TMEM178B: variants seen among roughly 807,000 people sequenced by gnomAD.
TMEM178B encodes the protein transmembrane protein 178B.
In TMEM178B, 5 loss-of-function variants were observed where a neutral mutation model predicts 31.0. The ratio of observed to expected loss-of-function variants is 0.16; its 90% CI spans 0.08 to 0.34. The LOEUF (loss-of-function observed/expected upper bound fraction) is 0.34. Ranked by LOEUF, TMEM178B falls within the 10% of genes least tolerant of loss-of-function variation. TMEM178B has a pLI of 1.00. For synonymous variants in TMEM178B, 164 were observed against 164.0 expected (o/e 1.00, Z 0.00); for missense variants, 275 against 400.3 (o/e 0.69, Z 2.67).
At chr7:141,160,774 T>A (rs6976212) in intron 1 of TMEM178B, among the ~76,000 whole-genome samples, 1 of 152,128 alleles carries the variant, frequency 6.6e-6, no homozygotes, top group Non-Finnish European at 1.5e-5. Context: ...TGGGAACTGG[T>A]CGGATGTGGG....
chr7:141,296,361 C>A (rs1798634499), intron 2 of TMEM178B, among the ~76,000 whole-genome samples: 1 of 152,176 alleles, frequency 6.6e-6, no homozygotes, highest in African/African-American at 2.4e-5. Context: ...AGCCACTGCA[C>A]CCGGCCAGGA....
At chr7:141,349,227 TTGTAC>T (rs1404402088) in intron 2 of TMEM178B, among the ~76,000 whole-genome samples, 1 of 152,216 alleles carries the variant, frequency 6.6e-6, no homozygotes, top group African/African-American at 2.4e-5. Context: ...TAGTATTTAT[TTGTAC>T]TGATATTTCC....
At chr7:141,141,993 T>C (rs1795776764) in intron 1 of TMEM178B, among the ~76,000 whole-genome samples, 2 of 152,224 alleles carry the variant, frequency 1.3e-5, no homozygotes, top group Non-Finnish European at 2.9e-5. Context: ...GCATATTGTG[T>C]GATTCTAAGG....
At chr7:141,480,651 T>C (rs183601356), downstream of TMEM178B, among the ~76,000 whole-genome samples, 499 of 152,382 alleles carry the variant, frequency 3.3e-3, 13 homozygotes, top group Admixed American at 0.029. Flanking sequence ...TTGTTCTTTT[T>C]TTCCTATTAC....
intron 1 of TMEM178B, among the ~76,000 whole-genome samples, chr7:141,095,710 A>G (rs186457587): frequency 6.6e-6 from 1 of 152,346 alleles, no homozygotes; most frequent in African/African-American, 2.4e-5. Context: ...TATGTGTGGC[A>G]TGCAGAAGAC....
At chr7:141,255,719 C>T (rs761907972) in intron 2 of TMEM178B, among the ~76,000 whole-genome samples, 4 of 151,878 alleles carry the variant, frequency 2.6e-5, no homozygotes, top group South Asian at 2.1e-4. Flanking sequence ...ATATTGTCCC[C>T]GACCCCTGCC....
chr7:141,102,591 A>G (rs981782400), intron 1 of TMEM178B, among the ~76,000 whole-genome samples: 2 of 152,202 alleles, frequency 1.3e-5, no homozygotes, highest in Non-Finnish European at 2.9e-5. Context: ...GTTTCTAAGC[A>G]TATGCAGGTT....
rs564252943 is a variant in TMEM178B, at chr7:141,275,627, T to C, written c.496+62923T>C. Among the ~76,000 whole-genome samples, 9 of 152,350 alleles carry C rather than the reference T, an allele frequency of 5.9e-5. No individual in the cohort carries two copies. In the South Asian group the frequency reaches 1.9e-3, roughly 32 times the overall value. On this transcript the variant is annotated intron_variant, in intron 2 of 3. Transcript: ENST00000565468. Reference sequence around the variant, plus strand: ...GTATCTGAAAGCAGGATAAAGAAGTTGCAAACCTCTCTGCTTACCTTGCTC... The same window carrying C: ...GTATCTGAAAGCAGGATAAAGAAGTCGCAAACCTCTCTGCTTACCTTGCTC...
intron 2 of TMEM178B, among the ~76,000 whole-genome samples, chr7:141,291,444 C>T (rs893562931): frequency 6.6e-6 from 1 of 152,032 alleles, no homozygotes; most frequent in Non-Finnish European, 1.5e-5. Flanking sequence ...GGCAGTAGCG[C>T]GAGGAGTGAG....
chr7:141,135,442 G>A lies in TMEM178B; in HGVS notation c.382+60750G>A, dbSNP rs990496801. ...TGCTGAATACACATTCTTCTCATCA[G>A]TACATAGAACGTTCTCCAGAATAGG... On this transcript the variant is annotated intron_variant, in intron 1 of 3. Coordinates refer to ENST00000565468, the MANE Select transcript of TMEM178B (RefSeq NM_001195278.2). Among the ~76,000 whole-genome samples, 4 of 152,276 alleles carry A rather than the reference G, an allele frequency of 2.6e-5. No homozygotes were observed. In the East Asian group the frequency reaches 7.7e-4, roughly 29 times the overall value.
chr7:141,137,409 C>T (rs932987509), intron 1 of TMEM178B, among the ~76,000 whole-genome samples: 2 of 152,128 alleles, frequency 1.3e-5, no homozygotes, highest in Non-Finnish European at 2.9e-5. Flanking sequence ...TTGTCATTTT[C>T]AGCAATGTGG....
chr7:141,131,275 G>A (rs1177701377), intron 1 of TMEM178B, among the ~76,000 whole-genome samples: 1 of 152,080 alleles, frequency 6.6e-6, no homozygotes, highest in Non-Finnish European at 1.5e-5. Context: ...TTGTTTGCTG[G>A]TATTTTTGTG....
intron 1 of TMEM178B, among the ~76,000 whole-genome samples, chr7:141,149,155 C>A (rs934362881): frequency 2.0e-5 from 3 of 152,122 alleles, no homozygotes; most frequent in Non-Finnish European, 4.4e-5. Flanking sequence ...GAGAAGACTG[C>A]AGTAAGAGAT....
chr7:141,301,079 A>AG (rs984216688), intron 2 of TMEM178B, among the ~76,000 whole-genome samples: 82 of 152,324 alleles, frequency 5.4e-4, no homozygotes, highest in African/African-American at 1.9e-3. Context: ...GCTTTGTTCC[A>AG]GATCCTTCTG....
chr7:141,197,737 A>G (rs1057411340), intron 1 of TMEM178B, among the ~76,000 whole-genome samples: 2 of 152,034 alleles, frequency 1.3e-5, no homozygotes, highest in African/African-American at 4.8e-5. Context: ...GGTTCAAGTG[A>G]TTCTCCTGCC....
At chr7:141,393,678 A>C (rs1050283100) in intron 2 of TMEM178B, among the ~76,000 whole-genome samples, 1 of 152,206 alleles carries the variant, frequency 6.6e-6, no homozygotes, top group Non-Finnish European at 1.5e-5. Flanking sequence ...TCTTGCAAAG[A>C]TGTTCTCATA....
rs115868861 is a variant in TMEM178B at position 141,115,240 on chromosome 7, G to C, written c.382+40548G>C. On this transcript the variant is annotated intron_variant, in intron 1 of 3. Coordinates refer to ENST00000565468, the MANE Select transcript of TMEM178B (RefSeq NM_001195278.2). ...TTTTTGTATTTTTAGTAGAGGCAGG[G>C]TTTCAGGCCAGGCTGGTTTTGAACT... is the stretch of plus-strand genomic sequence containing the variant. 1.1e-3 allele frequency among the ~76,000 whole-genome samples: 173 copies of C among 151,950 alleles called. 1 individual carries two copies. The highest frequency in any genetic ancestry group is 4.1e-3 in the African/African-American group (168 of 41,364).
rs1192226183 is a variant in TMEM178B, at chr7:141,477,717, G to C, written c.*6931G>C. 1 of 152,194 alleles carries C rather than the reference G, an allele frequency of 6.6e-6. No homozygotes were observed. The highest frequency in any genetic ancestry group is 2.4e-5 in the African/African-American group (1 of 41,436). 9.4% of individuals were successfully genotyped at this position (152,194 alleles called of 1,614,324 possible). A position where few individuals can be genotyped will look rare whatever the true frequency, so the allele number is the denominator to read the frequency against. ...GGCTCTGGGGGTGCGCAGTCCCCTTGTGTATTTTGCTGCTATTTCTAGAGA... is the reference window on the plus strand; with the variant it reads ...GGCTCTGGGGGTGCGCAGTCCCCTTCTGTATTTTGCTGCTATTTCTAGAGA... On this transcript the variant is annotated 3_prime_UTR_variant, in exon 4 of 4. Transcript: ENST00000565468.
At chr7:141,163,220 C>T (rs933605547) in intron 1 of TMEM178B, among the ~76,000 whole-genome samples, 3 of 152,168 alleles carry the variant, frequency 2.0e-5, no homozygotes, top group African/African-American at 7.2e-5. Flanking sequence ...CTACCAGAAC[C>T]AGCAAGCTAG....
Sources: allele counts gnomAD v4.1 joint callset (sites outside exome capture counted in the v4.1 genomes callset), GRCh38; gene constraint gnomAD v4.1.1; transcripts MANE v1.5; gene names NCBI Gene and HGNC (gene_info 2026-07-23, HGNC 2026-07-21).